KLF12: variants seen among roughly 807,000 people sequenced by gnomAD.
KLF12 encodes the protein KLF transcription factor 12.
In KLF12, 9 loss-of-function variants were observed where a neutral mutation model predicts 37.8. The ratio of observed to expected loss-of-function variants is 0.24; its 90% CI spans 0.14 to 0.42. The LOEUF is 0.42. KLF12 is among the 10% of genes least tolerant of loss of function. The pLI, the probability that KLF12 is intolerant of heterozygous loss-of-function variation, is 1.00. For synonymous variants in KLF12, 208 were observed against 202.1 expected, an observed-to-expected ratio of 1.03 and a Z score of -0.25; for missense variants, 411 against 516.0, an observed-to-expected ratio of 0.80 and a Z score of 1.97.
chr13:74,178,997 A>G, the KLF12 span, among the ~76,000 whole-genome samples: 4 of 152,244 alleles, frequency 2.6e-5, no homozygotes, highest in African/African-American at 4.8e-5. Flanking sequence ...TATAGACACT[A>G]TATGCAGTCA....
chr13:74,194,209 G>C, the KLF12 span, among the ~76,000 whole-genome samples: 2 of 152,110 alleles, frequency 1.3e-5, no homozygotes, highest in Non-Finnish European at 2.9e-5. Flanking sequence ...GGTGGTGGTG[G>C]TGAAAAGGGT....
At chr13:74,079,186 A>C (rs534428109) in intron 1 of KLF12, among the ~76,000 whole-genome samples, 213 of 146,836 alleles carry the variant, frequency 1.5e-3, no homozygotes, top group African/African-American at 5.0e-3. Flanking sequence ...AAAGCAGTCA[A>C]ATTCGTAGAG....
chr13:73,845,809 C>T lies in KLF12; in HGVS notation c.670+18G>A. The T allele has an allele frequency of 6.3e-7, 1 of 1,598,778 alleles. No homozygotes were observed. The highest frequency in any genetic ancestry group is 8.5e-7 in the Non-Finnish European group (1 of 1,171,350). On this transcript the variant is annotated intron_variant, in intron 4 of 7. Coordinates refer to ENST00000377669, the MANE Select transcript of KLF12 (RefSeq NM_007249.5). ...CCTCTAGTGCTGAAATAAATCAAGG[C>T]TTGTTTATGTCTCTTACCTTTGCCA... is the stretch of plus-strand genomic sequence containing the variant.
chr13:74,186,800 C>A, the KLF12 span, among the ~76,000 whole-genome samples: 1 of 152,174 alleles, frequency 6.6e-6, no homozygotes, highest in South Asian at 2.1e-4. Flanking sequence ...CTGATTGACA[C>A]TATATTGCAT....
chr13:73,810,272 T>G (rs1265308365), intron 5 of KLF12, among the ~76,000 whole-genome samples: 1 of 151,840 alleles, frequency 6.6e-6, no homozygotes, highest in East Asian at 1.9e-4. Context: ...AGAAAGGTTA[T>G]GTTGAAAATT....
chr13:73,858,669 A>AT (rs1258968305), intron 3 of KLF12, among the ~76,000 whole-genome samples: 3 of 152,210 alleles, frequency 2.0e-5, no homozygotes, highest in Non-Finnish European at 4.4e-5. Flanking sequence ...CTACAAAAGG[A>AT]TTTTTAACCC....
the KLF12 span, among the ~76,000 whole-genome samples, chr13:74,221,946 G>A: frequency 1.3e-5 from 2 of 152,294 alleles, no homozygotes; most frequent in East Asian, 1.9e-4. Flanking sequence ...TCATTTATGT[G>A]GCAATTTATC....
At chr13:74,170,768 T>C in the KLF12 span, among the ~76,000 whole-genome samples, 6 of 152,182 alleles carry the variant, frequency 3.9e-5, no homozygotes, top group Non-Finnish European at 5.9e-5. Flanking sequence ...TAGTACCTTA[T>C]TTTATTTTAT....
At chr13:73,898,500 T>C (rs747290703) in intron 3 of KLF12, among the ~76,000 whole-genome samples, 20 of 152,196 alleles carry the variant, frequency 1.3e-4, no homozygotes, top group Non-Finnish European at 2.1e-4. Flanking sequence ...TTTTAAGATG[T>C]GGCTAAAAAA....
intron 7 of KLF12, among the ~76,000 whole-genome samples, chr13:73,707,414 G>A (rs1475006396): frequency 6.6e-6 from 1 of 152,142 alleles, no homozygotes; most frequent in Admixed American, 6.5e-5. Context: ...CAAGTTTGGT[G>A]ATATTTCTAT....
chr13:74,201,839 G>A, the KLF12 span, among the ~76,000 whole-genome samples: 1 of 152,070 alleles, frequency 6.6e-6, no homozygotes. Flanking sequence ...TTCAGCAGTG[G>A]GAACTATTAG....
chr13:73,794,244 T>C (rs1313456790), intron 5 of KLF12, among the ~76,000 whole-genome samples: 1 of 152,232 alleles, frequency 6.6e-6, no homozygotes, highest in Admixed American at 6.5e-5. Flanking sequence ...GCGGATCATC[T>C]GAGGTCGGGA....
intron 6 of KLF12, among the ~76,000 whole-genome samples, chr13:73,741,645 A>G (rs17090388): frequency 0.018 from 2,814 of 152,282 alleles, 71 homozygotes; most frequent in African/African-American, 0.061. Flanking sequence ...GTTAAGGCTA[A>G]TCTAAGAGGA....
chr13:73,696,928 A>G (rs1293757289), intron 7 of KLF12, among the ~76,000 whole-genome samples: 3 of 152,200 alleles, frequency 2.0e-5, no homozygotes, highest in Non-Finnish European at 4.4e-5. Context: ...TTTCTATGAC[A>G]TCACCTATCA....
intron 7 of KLF12, among the ~76,000 whole-genome samples, chr13:73,697,466 G>T (rs1168911995): frequency 6.6e-6 from 1 of 152,166 alleles, no homozygotes; most frequent in Non-Finnish European, 1.5e-5. Context: ...GCATTTGCAT[G>T]TGTCTACTGA....
the KLF12 span, among the ~76,000 whole-genome samples, chr13:74,260,453 C>G: frequency 6.6e-6 from 1 of 151,632 alleles, no homozygotes; most frequent in African/African-American, 2.4e-5. Flanking sequence ...ACTTGGGAGA[C>G]TGAGGTGGGA....
chr13:74,244,875 G>C, the KLF12 span, among the ~76,000 whole-genome samples: 3 of 152,192 alleles, frequency 2.0e-5, no homozygotes, highest in Non-Finnish European at 2.9e-5. Context: ...ATTCCAAATT[G>C]AGAAGCACTT....
Position 73,992,400 on chromosome 13 carries a change from G to C in KLF12, c.33+2590C>G, listed in dbSNP as rs151146539. Among the ~76,000 whole-genome samples the C allele has an allele frequency of 1.4e-3, 211 of 152,332 alleles. 1 individual carries two copies. The highest frequency in any genetic ancestry group is 4.3e-3 in the African/African-American group (179 of 41,576). ...GGACAAATCCAAGTGCAATGAAGCTGAGTAAAGGAAGTAACTTAATGAAGT... is the reference window on the plus strand; with the variant it reads ...GGACAAATCCAAGTGCAATGAAGCTCAGTAAAGGAAGTAACTTAATGAAGT... On this transcript the variant is annotated intron_variant, in intron 2 of 7. Transcript: ENST00000377669.
At chr13:74,031,101 G>A (rs1222368303) in intron 1 of KLF12, among the ~76,000 whole-genome samples, 2 of 152,064 alleles carry the variant, frequency 1.3e-5, no homozygotes, top group South Asian at 2.1e-4. Flanking sequence ...CACAGACTCA[G>A]CCATTTGCTA....
Sources: gnomAD v4.1 joint callset for allele counts (sites outside exome capture counted in the v4.1 genomes callset) on GRCh38, gnomAD v4.1.1 for gene constraint, MANE v1.5 for transcripts, NCBI Gene and HGNC (gene_info 2026-07-23, HGNC 2026-07-21) for gene names.